TNRC6C: variants seen among roughly 807,000 people sequenced by gnomAD.
TNRC6C encodes the protein trinucleotide repeat-containing gene 6C protein.
In TNRC6C, 20 loss-of-function variants were observed where a neutral mutation model predicts 153.7. The ratio of observed to expected loss-of-function variants is 0.13; its 90% CI spans 0.09 to 0.19. TNRC6C has a LOEUF of 0.19. Among genes scored for constraint, TNRC6C ranks in the 10% least tolerant of loss-of-function variants. The pLI, the probability that TNRC6C is intolerant of heterozygous loss-of-function variation, is 1.00. For missense variants in TNRC6C, 1,987 were observed against 2,172.0 expected (o/e 0.91, Z 1.69); for synonymous variants, 811 against 841.4 (o/e 0.96, Z 0.63).
At chr17:77,957,708 G>A (rs1474019853), upstream of TNRC6C, among the ~76,000 whole-genome samples, 1 of 152,238 alleles carries the variant, frequency 6.6e-6, no homozygotes, top group Non-Finnish European at 1.5e-5. Flanking sequence ...GAAAATTCTT[G>A]GTTTCAAAAT....
chr17:77,996,319 G>GA (rs1226476713), intron 1 of TNRC6C, among the ~76,000 whole-genome samples: 1 of 151,590 alleles, frequency 6.6e-6, no homozygotes, highest in Non-Finnish European at 1.5e-5. Context: ...AATTTAAGGA[G>GA]AAAAAAAAGA....
exon 3 of TNRC6C, chr17:78,050,772 C>G: frequency 6.2e-7 from 1 of 1,604,076 alleles, no homozygotes; most frequent in Non-Finnish European, 8.5e-7. Context: ...AGTCACCCAC[C>G]TGGGGTGAGC....
At chr17:78,009,382 T>C (rs72894037) in intron 1 of TNRC6C, among the ~76,000 whole-genome samples, 2 of 152,142 alleles carry the variant, frequency 1.3e-5, no homozygotes, top group Non-Finnish European at 2.9e-5. Context: ...TTTTAATGAT[T>C]AACTATGATA....
chr17:78,038,678 C>CAA (rs751760738), intron 2 of TNRC6C, among the ~76,000 whole-genome samples: 32 of 61,208 alleles, frequency 5.2e-4, no homozygotes, highest in East Asian at 8.6e-4. Context: ...GACTCCGTGT[C>CAA]AAAAAAAAAA....
intron 3 of TNRC6C, among the ~76,000 whole-genome samples, chr17:78,052,934 T>C (rs2072567244): frequency 6.6e-6 from 1 of 152,202 alleles, no homozygotes; most frequent in African/African-American, 2.4e-5. Flanking sequence ...TTTCTGTGAA[T>C]TGGCATTTTT....
At chr17:78,086,927 G>A in exon 13 of TNRC6C, 1 of 1,612,690 alleles carries the variant, frequency 6.2e-7, no homozygotes, top group Non-Finnish European at 8.5e-7. Context: ...CCCTGCTCGT[G>A]AAGCAGCCAC....
rs1381002331 is a variant in TNRC6C, at chr17:78,020,920, T to C, written c.-545-10596T>C. ...CTCTACACTTGTCTGAGATTTCCAG[T>C]CAATTGCACAAGCTTTAAATACTCT... On this transcript the variant is annotated intron_variant, in intron 1 of 19. Transcript: ENST00000301624. Among the ~76,000 whole-genome samples, 3 of 152,368 alleles carry C rather than the reference T, an allele frequency of 2.0e-5. No homozygotes were observed. In the East Asian group the frequency reaches 5.8e-4, roughly 29 times the overall value.
At chr17:78,008,023 C>G (rs1291613340) in intron 1 of TNRC6C, among the ~76,000 whole-genome samples, 1 of 152,104 alleles carries the variant, frequency 6.6e-6, no homozygotes, top group Admixed American at 6.5e-5. Context: ...CTATGATACT[C>G]CTCTACCTTC....
exon 3 of TNRC6C, chr17:78,050,992 A>G: frequency 6.2e-7 from 1 of 1,614,024 alleles, no homozygotes; most frequent in Non-Finnish European, 8.5e-7. Flanking sequence ...CTGGGGCAAC[A>G]GCACAAATAC....
At chr17:78,064,499 G>A (rs1455013454) in intron 3 of TNRC6C, among the ~76,000 whole-genome samples, 2 of 152,020 alleles carry the variant, frequency 1.3e-5, no homozygotes, top group Admixed American at 6.6e-5. Context: ...GCAACACAGC[G>A]AGTCCCCATC....
exon 3 of TNRC6C, chr17:78,050,963 C>G (rs919218818): frequency 6.2e-7 from 1 of 1,613,910 alleles, no homozygotes; most frequent in Admixed American, 1.7e-5. Context: ...AATGACACCA[C>G]GAGATCTGGG....
At chr17:78,105,009 A>G (rs1232030165) in exon 20 of TNRC6C, 2 of 886,800 alleles carry the variant, frequency 2.3e-6, no homozygotes, top group Non-Finnish European at 1.5e-6. Context: ...TGTTCGCAAA[A>G]CAGTGCGGGC....
At chr17:78,054,517 CACCACTGTAT>C (rs1272414024) in intron 3 of TNRC6C, among the ~76,000 whole-genome samples, 2 of 151,542 alleles carry the variant, frequency 1.3e-5, no homozygotes, top group African/African-American at 2.4e-5. Flanking sequence ...AAGTAGAGTT[CACCACTGTAT>C]ACCACTGCAG....
chr17:78,028,056 C>T (rs1332686310), intron 1 of TNRC6C, among the ~76,000 whole-genome samples: 5 of 152,022 alleles, frequency 3.3e-5, no homozygotes, highest in East Asian at 3.9e-4. Flanking sequence ...CCACCATGCC[C>T]GGCTAATTTT....
At chr17:77,979,372 GTA>G (rs1271894067) in intron 1 of TNRC6C, among the ~76,000 whole-genome samples, 1 of 152,174 alleles carries the variant, frequency 6.6e-6, no homozygotes, top group Non-Finnish European at 1.5e-5. Context: ...AATCCTGAAA[GTA>G]TGTGTATCTG....
chr17:78,056,885 A>ATTTTT (rs918777029), intron 3 of TNRC6C, among the ~76,000 whole-genome samples: 50 of 137,200 alleles, frequency 3.6e-4, no homozygotes, highest in African/African-American at 4.5e-4. Flanking sequence ...ATATTTATAG[A>ATTTTT]TTTTTTTAAA....
chr17:77,960,346 C>G (rs957974518), intron 1 of TNRC6C, among the ~76,000 whole-genome samples: 2 of 152,098 alleles, frequency 1.3e-5, no homozygotes, highest in African/African-American at 2.4e-5. Flanking sequence ...TTCGGTTTTT[C>G]TCGAGTGTCT....
At chr17:78,103,669 C>A in intron 19 of TNRC6C, 116 bp downstream of exon 22, 1 of 1,402,866 alleles carries the variant, frequency 7.1e-7, no homozygotes, top group Non-Finnish European at 9.6e-7. Context: ...CACAGGCTGG[C>A]CACCCTCCCA....
intron 1 of TNRC6C, among the ~76,000 whole-genome samples, chr17:78,010,725 T>A (rs2071612084): frequency 6.6e-6 from 1 of 152,228 alleles, no homozygotes; most frequent in African/African-American, 2.4e-5. Context: ...TTTAGCTATG[T>A]TGCTTTATAT....
Sources: gnomAD v4.1 joint callset for allele counts (sites outside exome capture counted in the v4.1 genomes callset) on GRCh38, gnomAD v4.1.1 for gene constraint, MANE v1.5 for transcripts, NCBI Gene and HGNC (gene_info 2026-07-23, HGNC 2026-07-21) for gene names.